The following SORCS1 variants were observed in gnomAD, a reference collection of about 807,000 sequenced individuals.
The protein encoded by SORCS1 is VPS10 domain-containing receptor SorCS1.
In SORCS1, 60 loss-of-function variants were observed where a neutral mutation model predicts 146.1. The ratio of observed to expected loss-of-function variants is 0.41; its 90% CI spans 0.33 to 0.51. SORCS1 has a LOEUF of 0.51. Ranked by LOEUF, SORCS1 falls within the 20% of genes least tolerant of loss-of-function variation. The probability of loss-of-function intolerance (pLI) is 0.21; values close to 1 mark genes in which losing one functional copy is unlikely to be tolerated. For missense variants in SORCS1, 1,352 were observed against 1,487.6 expected (o/e 0.91, Z 1.50); for synonymous variants, 637 against 584.0 (o/e 1.09, Z -1.31).
At chr10:106,621,340 C>A (rs201457898) in intron 19 of SORCS1, among the ~76,000 whole-genome samples, 2 of 152,154 alleles carry the variant, frequency 1.3e-5, no homozygotes, top group East Asian at 3.9e-4. Context: ...TGTTTCCAGG[C>A]AAAATGCAGC....
At chr10:107,179,584 A>G in the SORCS1 span, among the ~76,000 whole-genome samples, 1 of 152,220 alleles carries the variant, frequency 6.6e-6, no homozygotes, top group Non-Finnish European at 1.5e-5. Context: ...CATATTTGCC[A>G]GCATTTGATG....
At chr10:107,170,945 G>T in the SORCS1 span, among the ~76,000 whole-genome samples, 1 of 152,190 alleles carries the variant, frequency 6.6e-6, no homozygotes, top group Non-Finnish European at 1.5e-5. Flanking sequence ...TAAATCCCGT[G>T]CATGTCACTC....
At chr10:107,179,903 A>ATTTTTTTTTTTTTTTTTT in the SORCS1 span, among the ~76,000 whole-genome samples, 1 of 73,396 alleles carries the variant, frequency 1.4e-5, no homozygotes, top group African/African-American at 5.0e-5. Flanking sequence ...CACAAAACAG[A>ATTTTTTTTTTTTTTTTTT]CTTTTTTTTT....
At chr10:107,174,232 G>A in the SORCS1 span, among the ~76,000 whole-genome samples, 5 of 152,084 alleles carry the variant, frequency 3.3e-5, no homozygotes, top group African/African-American at 9.7e-5. Flanking sequence ...TTGAGATGGA[G>A]TCTTGCTCTG....
At chr10:107,169,119 C>G (rs1420910894), upstream of SORCS1, among the ~76,000 whole-genome samples, 1 of 152,078 alleles carries the variant, frequency 6.6e-6, no homozygotes, top group East Asian at 1.9e-4. Context: ...TTTGTCTTCC[C>G]TTTTTCCTAA....
chr10:106,818,642 C>T (rs1001617462), intron 3 of SORCS1, among the ~76,000 whole-genome samples: 2 of 152,148 alleles, frequency 1.3e-5, no homozygotes, highest in African/African-American at 4.8e-5. Flanking sequence ...TGAGCCACCA[C>T]CTCCAGCTGG....
chr10:106,935,249 G>A (rs969175807), intron 2 of SORCS1, among the ~76,000 whole-genome samples: 60 of 152,238 alleles, frequency 3.9e-4, no homozygotes, highest in African/African-American at 1.4e-3. Context: ...AATGTGCCTA[G>A]AGGGTCCTTA....
At chr10:106,802,921 A>G (rs1946981631) in intron 3 of SORCS1, among the ~76,000 whole-genome samples, 1 of 152,224 alleles carries the variant, frequency 6.6e-6, no homozygotes, top group South Asian at 2.1e-4. Flanking sequence ...GTGAGCCATC[A>G]TGCCCGGCCT....
intron 3 of SORCS1, among the ~76,000 whole-genome samples, chr10:106,800,011 C>T (rs1946782455): frequency 6.6e-6 from 1 of 152,132 alleles, no homozygotes; most frequent in Non-Finnish European, 1.5e-5. Flanking sequence ...TGCATTGCCA[C>T]AAATGTAACA....
At chr10:106,694,262 TTTATTA>T (rs1330491056) in intron 9 of SORCS1, among the ~76,000 whole-genome samples, 1 of 152,126 alleles carries the variant, frequency 6.6e-6, no homozygotes, top group Admixed American at 6.6e-5. Context: ...AGTACATTCT[TTTATTA>T]TTATTATTTT....
At chr10:106,745,440 GA>G (rs1857659761) in intron 5 of SORCS1, among the ~76,000 whole-genome samples, 1 of 150,954 alleles carries the variant, frequency 6.6e-6, no homozygotes, top group South Asian at 2.1e-4. Context: ...AAAAGAAAAA[GA>G]AAAAAAGAAA....
intron 6 of SORCS1, among the ~76,000 whole-genome samples, chr10:106,729,482 C>T (rs1856445465): frequency 6.6e-6 from 1 of 151,030 alleles, no homozygotes; most frequent in African/African-American, 2.4e-5. Context: ...TTTTGTGAAT[C>T]TCCAAACAAG....
At chr10:106,916,167 A>C (rs1431946273) in intron 2 of SORCS1, among the ~76,000 whole-genome samples, 1 of 152,224 alleles carries the variant, frequency 6.6e-6, no homozygotes, top group African/African-American at 2.4e-5. Context: ...CTGTGAATAC[A>C]TTATTCAATT....
intron 18 of SORCS1, among the ~76,000 whole-genome samples, chr10:106,638,769 G>A (rs984538881): frequency 6.6e-6 from 1 of 152,162 alleles, no homozygotes; most frequent in South Asian, 2.1e-4. Flanking sequence ...TGCTGTATGT[G>A]AAAGAGGTGC....
At chr10:106,998,166 T>C (rs1376264697) in intron 1 of SORCS1, among the ~76,000 whole-genome samples, 1 of 152,246 alleles carries the variant, frequency 6.6e-6, no homozygotes, top group Non-Finnish European at 1.5e-5. Context: ...CCGCTGCTTT[T>C]ACATAATTCG....
chr10:106,725,914 G>C (rs1029260322), intron 6 of SORCS1, among the ~76,000 whole-genome samples: 7 of 137,410 alleles, frequency 5.1e-5, no homozygotes, highest in East Asian at 2.1e-4. Context: ...CTGGGTGACA[G>C]AGTGAGACTC....
At chr10:106,743,119 T>C (rs1330499341) in intron 5 of SORCS1, among the ~76,000 whole-genome samples, 2 of 151,934 alleles carry the variant, frequency 1.3e-5, no homozygotes, top group South Asian at 2.1e-4. Flanking sequence ...ATTCCTAAAG[T>C]TGGTTTTGAA....
chr10:106,815,422 G>A (rs974808787), intron 3 of SORCS1, among the ~76,000 whole-genome samples: 1 of 152,202 alleles, frequency 6.6e-6, no homozygotes, highest in South Asian at 2.1e-4. Flanking sequence ...AGTGTTCTTT[G>A]TAATTCCCCC....
chr10:106,582,592 T>G (rs1009733971), intron 24 of SORCS1, among the ~76,000 whole-genome samples: 1 of 152,250 alleles, frequency 6.6e-6, no homozygotes, highest in Non-Finnish European at 1.5e-5. Context: ...TGGAAACTTG[T>G]GATAAATGGG....
Sources: gnomAD v4.1 joint callset for allele counts (sites outside exome capture counted in the v4.1 genomes callset) on GRCh38, gnomAD v4.1.1 for gene constraint, MANE v1.5 for transcripts, NCBI Gene and HGNC (gene_info 2026-07-23, HGNC 2026-07-21) for gene names.